The following ANGPT1 variants were observed in gnomAD, a reference collection of about 807,000 sequenced individuals.
ANGPT1 encodes the protein angiopoietin 1.
ANGPT1 carries 17 observed loss-of-function variants against 62.2 expected under a neutral mutation model. That is an observed-to-expected ratio of 0.27 (90% CI 0.19 to 0.41). ANGPT1 has a LOEUF of 0.41. Among genes scored for constraint, ANGPT1 ranks in the 10% least tolerant of loss-of-function variants. ANGPT1 has a pLI of 1.00. For synonymous variants in ANGPT1, 199 were observed against 198.9 expected, an observed-to-expected ratio of 1.00 and a Z score of 0.00; for missense variants, 478 against 594.9, an observed-to-expected ratio of 0.80 and a Z score of 2.04.
chr8:107,464,004 C>T (rs1429459092), intron 1 of ANGPT1, among the ~76,000 whole-genome samples: 1 of 152,132 alleles, frequency 6.6e-6, no homozygotes, highest in African/African-American at 2.4e-5. Flanking sequence ...TGGGACTTAA[C>T]ATTTGCTTCA....
chr8:107,400,655 G>A (rs1275779122), intron 1 of ANGPT1, among the ~76,000 whole-genome samples: 2 of 151,660 alleles, frequency 1.3e-5, no homozygotes, highest in Non-Finnish European at 2.9e-5. Flanking sequence ...CACCTCCCAG[G>A]TTCATGCAAT....
At chr8:107,477,604 T>C (rs908424759) in intron 1 of ANGPT1, among the ~76,000 whole-genome samples, 1 of 152,196 alleles carries the variant, frequency 6.6e-6, no homozygotes, top group Non-Finnish European at 1.5e-5. Flanking sequence ...TTCATACTTA[T>C]CATCTCACAT....
At chr8:107,346,023 A>T (rs1368433891) in intron 2 of ANGPT1, among the ~76,000 whole-genome samples, 1 of 152,206 alleles carries the variant, frequency 6.6e-6, no homozygotes, top group African/African-American at 2.4e-5. Context: ...TAAAAGATCT[A>T]TCTATCTGCT....
intron 3 of ANGPT1, chr8:107,322,788 G>C: frequency 3.9e-6 from 1 of 254,864 alleles, no homozygotes; most frequent in Non-Finnish European, 7.8e-6. Context: ...AATATGTTAG[G>C]TGAAAAAAGA....
At chr8:107,300,162 T>G (rs1814552121) in intron 5 of ANGPT1, among the ~76,000 whole-genome samples, 1 of 147,742 alleles carries the variant, frequency 6.8e-6, no homozygotes, top group Admixed American at 6.8e-5. Context: ...TATAGAGATC[T>G]ATATCTATCT....
chr8:107,449,400 GCACACACA>G (rs10537811), intron 1 of ANGPT1, among the ~76,000 whole-genome samples: 18 of 148,210 alleles, frequency 1.2e-4, no homozygotes, highest in Middle Eastern at 3.4e-3. Flanking sequence ...ACACACACAT[GCACACACA>G]CACACACACA....
intron 1 of ANGPT1, among the ~76,000 whole-genome samples, chr8:107,407,796 G>A (rs1242920337): frequency 1.3e-5 from 2 of 152,214 alleles, no homozygotes; most frequent in South Asian, 4.2e-4. Flanking sequence ...GTGTATGCAG[G>A]GTCAAGCAGG....
At chr8:107,406,885 CAA>C (rs10628191) in intron 1 of ANGPT1, among the ~76,000 whole-genome samples, 1 of 141,832 alleles carries the variant, frequency 7.1e-6, no homozygotes. Context: ...ATTAAATCCT[CAA>C]AAAAAAAAAA....
At chr8:107,407,873 A>G (rs1339392581) in intron 1 of ANGPT1, among the ~76,000 whole-genome samples, 2 of 152,304 alleles carry the variant, frequency 1.3e-5, no homozygotes, top group South Asian at 2.1e-4. Context: ...TTGGACAGAA[A>G]GAGATGACCA....
chr8:107,472,975 C>A (rs1278505211), intron 1 of ANGPT1, among the ~76,000 whole-genome samples: 5 of 152,006 alleles, frequency 3.3e-5, no homozygotes, highest in Admixed American at 3.3e-4. Flanking sequence ...TCTCCACTAC[C>A]ACCAGTACTG....
intron 7 of ANGPT1, among the ~76,000 whole-genome samples, chr8:107,268,877 A>C (rs1813676121): frequency 6.6e-6 from 1 of 152,050 alleles, no homozygotes; most frequent in Non-Finnish European, 1.5e-5. Flanking sequence ...TATATTGAGG[A>C]ATAATGAATG....
intron 3 of ANGPT1, among the ~76,000 whole-genome samples, chr8:107,329,249 C>A (rs934332469): frequency 1.3e-5 from 2 of 152,046 alleles, no homozygotes; most frequent in African/African-American, 2.4e-5. Flanking sequence ...TGAATTTAAT[C>A]TCTTAATGAT....
intron 1 of ANGPT1, among the ~76,000 whole-genome samples, chr8:107,426,705 C>A (rs1811050912): frequency 6.6e-6 from 1 of 152,166 alleles, no homozygotes; most frequent in Non-Finnish European, 1.5e-5. Flanking sequence ...ATAGAAGATT[C>A]TCCACCAAAT....
chr8:107,439,743 G>T (rs556279680), intron 1 of ANGPT1, among the ~76,000 whole-genome samples: 9 of 152,146 alleles, frequency 5.9e-5, no homozygotes, highest in African/African-American at 2.2e-4. Flanking sequence ...AAAAGGATTT[G>T]AATAAAAGTA....
At chr8:107,467,170 G>A (rs905228288) in intron 1 of ANGPT1, among the ~76,000 whole-genome samples, 4 of 151,862 alleles carry the variant, frequency 2.6e-5, no homozygotes, top group Non-Finnish European at 5.9e-5. Context: ...CAAACACAAG[G>A]AAATGATAAG....
Position 107,379,510 on chromosome 8 carries a change from G to A in ANGPT1, c.298-32413C>T, listed in dbSNP as rs537610412. 9.2e-5 allele frequency among the ~76,000 whole-genome samples: 14 copies of A among 151,610 alleles called. No individual in the cohort carries two copies. In the East Asian group the frequency reaches 1.6e-3, roughly 17 times the overall value. ...TATGAAAAGCCTGATGTAGCAGTCC[G>A]CCAATTTTATAGATGAAGAAACTGA... On this transcript the variant is annotated intron_variant, in intron 1 of 8. Coordinates refer to ENST00000517746, the MANE Select transcript of ANGPT1 (RefSeq NM_001146.5).
chr8:107,468,027 AG>A (rs1812251109), intron 1 of ANGPT1, among the ~76,000 whole-genome samples: 2 of 152,080 alleles, frequency 1.3e-5, no homozygotes, highest in African/African-American at 4.8e-5. Flanking sequence ...TGTAGAGGAG[AG>A]AAAGACCTAT....
intron 1 of ANGPT1, among the ~76,000 whole-genome samples, chr8:107,437,190 G>T (rs1198126107): frequency 6.6e-6 from 1 of 151,996 alleles, no homozygotes; most frequent in Non-Finnish European, 1.5e-5. Context: ...ATTTTAACTG[G>T]CCTGTTAAGA....
intron 1 of ANGPT1, among the ~76,000 whole-genome samples, chr8:107,445,091 C>T (rs1811580997): frequency 6.6e-6 from 1 of 152,194 alleles, no homozygotes; most frequent in African/African-American, 2.4e-5. Context: ...GCATTTTCTA[C>T]AGCTGTGGTT....
Sources: allele counts gnomAD v4.1 joint callset (sites outside exome capture counted in the v4.1 genomes callset), GRCh38; gene constraint gnomAD v4.1.1; transcripts MANE v1.5; gene names NCBI Gene and HGNC (gene_info 2026-07-23, HGNC 2026-07-21).